The following NCOA7 variants were observed in gnomAD, a reference collection of about 807,000 sequenced individuals.
NCOA7 encodes 140 kDa estrogen receptor-associated protein.
A neutral mutation model predicts 104.3 loss-of-function variants in NCOA7; 45 were observed. The ratio of observed to expected loss-of-function variants is 0.43; its 90% CI spans 0.34 to 0.55. The LOEUF is 0.55. Ranked by LOEUF, NCOA7 falls within the 20% of genes least tolerant of loss-of-function variation. The pLI, the probability that NCOA7 is intolerant of heterozygous loss-of-function variation, is 0.02. For missense variants in NCOA7, 1,041 were observed against 1,119.7 expected (o/e 0.93, Z 1.00); for synonymous variants, 398 against 402.3 (o/e 0.99, Z 0.13).
Position 125,901,846 on chromosome 6 carries a change from G to A in NCOA7, c.2096+11036G>A, listed in dbSNP as rs576524047. Among the ~76,000 whole-genome samples, 5 of 152,298 alleles carry A rather than the reference G, an allele frequency of 3.3e-5. No homozygotes were observed. The South Asian group carries it at 1.0e-3, about 32-fold the overall frequency. On this transcript the variant is annotated intron_variant, in intron 10 of 15. Coordinates refer to ENST00000392477, the MANE Select transcript of NCOA7 (RefSeq NM_181782.5). ...GATTGAGCAGTAGAAGTGGCTTTCA[G>A]TGGGATGGGGAGCTGGAAAGGAGAT...
intron 10 of NCOA7, among the ~76,000 whole-genome samples, chr6:125,896,748 C>T (rs150855058): frequency 3.3e-5 from 5 of 152,284 alleles, no homozygotes; most frequent in South Asian, 2.1e-4. Flanking sequence ...GCTAAAATCA[C>T]GCCTCCGCAC....
intron 10 of NCOA7, among the ~76,000 whole-genome samples, chr6:125,900,361 G>T (rs1431583037): frequency 6.6e-6 from 1 of 152,192 alleles, no homozygotes; most frequent in Non-Finnish European, 1.5e-5. Context: ...GAGGCCTCTG[G>T]CATTGATATT....
At chr6:125,830,724 T>TAC (rs1491043998) in intron 2 of NCOA7, among the ~76,000 whole-genome samples, 1 of 52,864 alleles carries the variant, frequency 1.9e-5, no homozygotes, top group Non-Finnish European at 4.6e-5. Context: ...ATATATTTTA[T>TAC]ATATATATAT....
At chr6:125,865,686 G>GTC (rs1191472675) in intron 3 of NCOA7, among the ~76,000 whole-genome samples, 2 of 135,148 alleles carry the variant, frequency 1.5e-5, no homozygotes, top group African/African-American at 3.1e-5. Flanking sequence ...TAAAGACAGG[G>GTC]TCTCTCTCTC....
chr6:125,832,268 A>G (rs1779254456), intron 2 of NCOA7, among the ~76,000 whole-genome samples: 1 of 152,188 alleles, frequency 6.6e-6, no homozygotes, highest in South Asian at 2.1e-4. Flanking sequence ...GTGTCTGGAC[A>G]ATTTCCTCTT....
intron 4 of NCOA7, 26 bp from the exon 5 acceptor site, chr6:125,878,237 G>T: frequency 6.6e-7 from 1 of 1,508,614 alleles, no homozygotes. Context: ...TTTATTTATT[G>T]ACTCTTACCT....
chr6:125,923,033 C>T (rs1319205890), intron 13 of NCOA7, among the ~76,000 whole-genome samples, 199 bp downstream of exon 13: 1 of 152,148 alleles, frequency 6.6e-6, no homozygotes, highest in African/African-American at 2.4e-5. Flanking sequence ...TTCACCCCTA[C>T]ATATTTCAGG....
intron 5 of NCOA7, 39 bp downstream of exon 5, chr6:125,878,409 G>T: frequency 6.9e-7 from 1 of 1,453,308 alleles, no homozygotes; most frequent in South Asian, 1.3e-5. Context: ...TAGAAATTCT[G>T]CATTTATCTT....
chr6:125,843,399 G>T (rs113500191), intron 2 of NCOA7, among the ~76,000 whole-genome samples: 4 of 152,290 alleles, frequency 2.6e-5, no homozygotes, highest in African/African-American at 9.6e-5. Flanking sequence ...AACTGTAAGA[G>T]AATAAATGTG....
upstream of NCOA7, among the ~76,000 whole-genome samples, chr6:125,787,827 A>G (rs748175010): frequency 4.6e-5 from 7 of 152,242 alleles, no homozygotes; most frequent in Non-Finnish European, 1.0e-4. Flanking sequence ...TTCTAGTAAT[A>G]CCTTTGATTG....
intron 4 of NCOA7, among the ~76,000 whole-genome samples, 154 bp from the exon 5 acceptor site, chr6:125,878,109 T>A (rs946298612): frequency 1.3e-5 from 2 of 152,252 alleles, no homozygotes; most frequent in Non-Finnish European, 2.9e-5. Flanking sequence ...AATGATTTTA[T>A]TAAGAATTGA....
intron 7 of NCOA7, among the ~76,000 whole-genome samples, chr6:125,882,839 A>T (rs1415785905): frequency 2.0e-5 from 3 of 152,224 alleles, no homozygotes; most frequent in Non-Finnish European, 4.4e-5. Context: ...TACATATAAC[A>T]GCAAACACTG....
chr6:125,890,856 G>C, intron 10 of NCOA7, 46 bp downstream of exon 10: 1 of 1,419,784 alleles, frequency 7.0e-7, no homozygotes. Flanking sequence ...GTTAGGTTTG[G>C]ATGGCGTTTT....
chr6:125,884,678 A>T (rs1784118562), intron 7 of NCOA7, among the ~76,000 whole-genome samples: 1 of 152,204 alleles, frequency 6.6e-6, no homozygotes, highest in Non-Finnish European at 1.5e-5. Context: ...AAAGAAAAAT[A>T]TTGGGACTAT....
intron 2 of NCOA7, among the ~76,000 whole-genome samples, chr6:125,838,144 A>G (rs952655188): frequency 6.6e-6 from 1 of 152,138 alleles, no homozygotes; most frequent in African/African-American, 2.4e-5. Flanking sequence ...AACATTCATG[A>G]GGAGAACCCA....
intron 1 of NCOA7, among the ~76,000 whole-genome samples, chr6:125,804,563 A>C (rs760175822): frequency 1.9e-4 from 29 of 152,212 alleles, no homozygotes; most frequent in Non-Finnish European, 3.8e-4. Flanking sequence ...TTTCTGTATG[A>C]CAATGCAGAT....
chr6:125,855,988 C>T (rs913713688), intron 3 of NCOA7, among the ~76,000 whole-genome samples: 14 of 152,114 alleles, frequency 9.2e-5, no homozygotes, highest in African/African-American at 3.4e-4. Flanking sequence ...CAGAATAACC[C>T]GTGCATCTGA....
At chr6:125,846,462 T>G (rs1025789706) in intron 2 of NCOA7, among the ~76,000 whole-genome samples, 4 of 152,132 alleles carry the variant, frequency 2.6e-5, no homozygotes, top group African/African-American at 9.7e-5. Flanking sequence ...GAAAATCATG[T>G]TAGCCTCTTG....
At chr6:125,922,592 T>G (rs1562190049) in intron 12 of NCOA7, 90 bp from the exon 13 acceptor site, 1 of 1,474,868 alleles carries the variant, frequency 6.8e-7, no homozygotes, top group Non-Finnish European at 9.2e-7. Flanking sequence ...TGATACTGAG[T>G]TTGAATAACA....
Sources: allele counts gnomAD v4.1 joint callset (sites outside exome capture counted in the v4.1 genomes callset), GRCh38; gene constraint gnomAD v4.1.1; transcripts MANE v1.5; gene names NCBI Gene and HGNC (gene_info 2026-07-23, HGNC 2026-07-21).